The following TMEM26 variants were observed in gnomAD, a reference collection of about 807,000 sequenced individuals.
TMEM26 encodes the protein transmembrane protein 26.
In TMEM26, 38 loss-of-function variants were observed where a neutral mutation model predicts 28.8. That is an observed-to-expected ratio of 1.32 (90% CI 1.02 to 1.73). TMEM26 has a LOEUF of 1.73. TMEM26 is among the 40% of genes most tolerant of loss of function. The probability of loss-of-function intolerance (pLI) is 0.00; values close to 1 mark genes in which losing one functional copy is unlikely to be tolerated. For missense variants in TMEM26, 518 were observed against 447.1 expected, an observed-to-expected ratio of 1.16 and a Z score of -1.43; for synonymous variants, 227 against 182.9, an observed-to-expected ratio of 1.24 and a Z score of -1.95.
intron 2 of TMEM26, among the ~76,000 whole-genome samples, chr10:61,435,005 T>C (rs1373261296): frequency 1.3e-5 from 2 of 152,214 alleles, no homozygotes; most frequent in Admixed American, 6.5e-5. Flanking sequence ...TCCTGTAACC[T>C]GAACTATGAA....
intron 1 of TMEM26, among the ~76,000 whole-genome samples, chr10:61,440,249 CA>C (rs903882050): frequency 6.6e-6 from 1 of 151,054 alleles, no homozygotes; most frequent in African/African-American, 2.4e-5. Context: ...CAAAAAAAAG[CA>C]AAAAAAATGA....
intron 4 of TMEM26, among the ~76,000 whole-genome samples, chr10:61,419,025 T>C (rs1417029112): frequency 1.3e-5 from 2 of 152,100 alleles, no homozygotes; most frequent in African/African-American, 2.4e-5. Context: ...AAAAACTACA[T>C]AGCCATAGGT....
chr10:61,436,361 AAACCTTTTCGTAT>A (rs1489467925), intron 1 of TMEM26, 113 bp from the exon 2 acceptor site: 6 of 583,880 alleles, frequency 1.0e-5, no homozygotes, highest in African/African-American at 1.9e-5. Context: ...ACATTGAGTC[AAACCTTTTCGTAT>A]AACTTCAAAG....
At chr10:61,421,829 C>T (rs547074473) in intron 4 of TMEM26, among the ~76,000 whole-genome samples, 1 of 152,110 alleles carries the variant, frequency 6.6e-6, no homozygotes, top group Admixed American at 6.5e-5. Flanking sequence ...GCTATAATAG[C>T]CCTAGTAAAC....
chr10:61,442,140 T>C (rs1264401605), intron 1 of TMEM26, among the ~76,000 whole-genome samples: 4 of 152,198 alleles, frequency 2.6e-5, no homozygotes, highest in Non-Finnish European at 4.4e-5. Flanking sequence ...CTTTTGTCAG[T>C]TCATTTCATC....
At chr10:61,447,195 C>T (rs1275413784) in intron 1 of TMEM26, among the ~76,000 whole-genome samples, 2 of 152,120 alleles carry the variant, frequency 1.3e-5, no homozygotes, top group Non-Finnish European at 2.9e-5. Context: ...CTCTGGGGTC[C>T]AAAAACATTG....
At chr10:61,428,598 A>T (rs1287933344) in intron 4 of TMEM26, among the ~76,000 whole-genome samples, 1 of 152,028 alleles carries the variant, frequency 6.6e-6, no homozygotes. Flanking sequence ...GGAGCTGGGG[A>T]TGGTCATTCC....
chr10:61,442,166 G>A (rs1589042851), intron 1 of TMEM26, among the ~76,000 whole-genome samples: 1 of 151,854 alleles, frequency 6.6e-6, no homozygotes, highest in Non-Finnish European at 1.5e-5. Flanking sequence ...GTAAAATATT[G>A]TTTACCATAC....
In TMEM26 at chr10:61,426,985, A is replaced by T. The variant is rs114315544; in HGVS notation, c.605+1941T>A. 4.8e-3 allele frequency among the ~76,000 whole-genome samples: 733 copies of T among 152,162 alleles called. 4 individuals are homozygous for T. The highest frequency in any genetic ancestry group is 0.016 in the African/African-American group (672 of 41,554). On this transcript the variant is annotated intron_variant, in intron 4 of 5. Transcript: ENST00000399298. ...TTGACTTTGGGAGGGTTTTTGGGAC[A>T]GTGGATATCTGAGTAATAGAGGCAC...
rs1839993681 is a variant in TMEM26 at position 61,435,683 on chromosome 10, T to A, written c.270+487A>T. Reference sequence around the variant, plus strand: ...TAACCTGCATTTTAAAAGAGACTATTTTAAATGGCTCCTATAAGTTTAATT... The same window carrying A: ...TAACCTGCATTTTAAAAGAGACTATATTAAATGGCTCCTATAAGTTTAATT... On this transcript the variant is annotated intron_variant, in intron 2 of 5. Coordinates refer to ENST00000399298, the MANE Select transcript of TMEM26 (RefSeq NM_178505.8). Among the ~76,000 whole-genome samples the A allele has an allele frequency of 2.0e-5, 3 of 152,224 alleles. No homozygotes were observed. The South Asian group carries it at 6.2e-4, about 31-fold the overall frequency.
intron 1 of TMEM26, among the ~76,000 whole-genome samples, chr10:61,445,188 T>TCATCAC (rs1185665874): frequency 3.3e-5 from 5 of 152,204 alleles, no homozygotes; most frequent in African/African-American, 1.2e-4. Context: ...TCCATTATCA[T>TCATCAC]CATCACCATC....
At chr10:61,443,102 C>A (rs953164294) in intron 1 of TMEM26, among the ~76,000 whole-genome samples, 1 of 152,032 alleles carries the variant, frequency 6.6e-6, no homozygotes, top group Non-Finnish European at 1.5e-5. Flanking sequence ...TGGCCAAGAG[C>A]TAATGAGAAT....
At chr10:61,450,066 T>C (rs1564486117) in intron 1 of TMEM26, among the ~76,000 whole-genome samples, 5 of 152,202 alleles carry the variant, frequency 3.3e-5, no homozygotes, top group African/African-American at 7.2e-5. Flanking sequence ...CAGTATGCTT[T>C]CAGCTTTACT....
intron 1 of TMEM26, among the ~76,000 whole-genome samples, chr10:61,448,326 G>C (rs1435309068): frequency 6.6e-6 from 1 of 152,204 alleles, no homozygotes; most frequent in African/African-American, 2.4e-5. Flanking sequence ...AGTAAGATTG[G>C]GAGCCTGGAG....
intron 2 of TMEM26, among the ~76,000 whole-genome samples, chr10:61,434,440 A>G (rs1205750430): frequency 6.6e-6 from 1 of 152,208 alleles, no homozygotes; most frequent in Non-Finnish European, 1.5e-5. Flanking sequence ...ATGAATGGTT[A>G]TTGTGTATGA....
chr10:61,419,440 G>A (rs1429828845), intron 4 of TMEM26, among the ~76,000 whole-genome samples: 5 of 152,058 alleles, frequency 3.3e-5, no homozygotes, highest in African/African-American at 1.2e-4. Flanking sequence ...AAGTCTCATG[G>A]CAATGACTCA....
chr10:61,451,911 C>T lies in TMEM26; in HGVS notation c.191+980G>A, dbSNP rs12413231. Among the ~76,000 whole-genome samples, 923 of 151,858 alleles carry T rather than the reference C, an allele frequency of 6.1e-3. 36 individuals are homozygous for T. Among genetic ancestry groups the T allele is most frequent in the Admixed American group, 0.054 (817 of 15,234 alleles). ...TTTTTTGAACACAATGACTATAATG[C>T]CATTGTGTATGTAATTGTAAATTGC... On this transcript the variant is annotated intron_variant, in intron 1 of 5. Transcript: ENST00000399298.
chr10:61,429,993 C>T (rs892570106), intron 3 of TMEM26, among the ~76,000 whole-genome samples: 5 of 152,052 alleles, frequency 3.3e-5, no homozygotes, highest in African/African-American at 4.8e-5. Flanking sequence ...TGCACAAGGA[C>T]GGATAAAAGA....
Position 61,410,625 on chromosome 10 carries a change from G to A in TMEM26, c.804C>T (p.Phe268=). 6.2e-7 allele frequency: 1 copy of A among 1,614,102 alleles called. No homozygotes were observed. The highest frequency in any genetic ancestry group is 8.5e-7 in the Non-Finnish European group (1 of 1,180,020). Residue 268 remains phenylalanine, a synonymous_variant, in exon 6 of 6, where the codon TTC becomes TTT. Coordinates refer to ENST00000399298, the MANE Select transcript of TMEM26 (RefSeq NM_178505.8). ...GISVFIQDGP[F]LVVRLILMTY... ...TCATCAGTATGAGACGCACGACAAG[G>A]AAGGGGCCATCTTGTATGAAGACGC...
Sources: gnomAD v4.1 joint callset for allele counts (sites outside exome capture counted in the v4.1 genomes callset) on GRCh38, gnomAD v4.1.1 for gene constraint, MANE v1.5 for transcripts, NCBI Gene and HGNC (gene_info 2026-07-23, HGNC 2026-07-21) for gene names.